The following ATAD2 variants were observed in gnomAD, a reference collection of about 807,000 sequenced individuals.
ATAD2 encodes ATPase family AAA domain-containing protein 2.
Under a neutral mutation model 168.9 loss-of-function variants are expected in ATAD2, and 62 were observed. That is an observed-to-expected ratio of 0.37 (90% CI 0.30 to 0.45). The LOEUF (loss-of-function observed/expected upper bound fraction) is 0.45. Among genes scored for constraint, ATAD2 ranks in the 20% least tolerant of loss-of-function variants. The pLI is 1.00. For synonymous variants in ATAD2, 613 were observed against 571.6 expected (o/e 1.07, Z -1.03); for missense variants, 1,419 against 1,667.8 (o/e 0.85, Z 2.60).
intron 22 of ATAD2, among the ~76,000 whole-genome samples, chr8:123,335,420 T>C: frequency 6.6e-6 from 1 of 152,204 alleles, no homozygotes; most frequent in East Asian, 1.9e-4. Context: ...AAAAAAATTT[T>C]AGTAGTTTCC....
intron 2 of ATAD2, among the ~76,000 whole-genome samples, chr8:123,374,429 C>CAAA (rs1802334948): frequency 1.3e-5 from 2 of 152,202 alleles, no homozygotes; most frequent in African/African-American, 2.4e-5. Context: ...GGCTCACAGA[C>CAAA]TTTTCTCATA....
intron 9 of ATAD2, 85 bp from the exon 10 acceptor site, chr8:123,359,770 G>C (rs1181943937): frequency 1.1e-6 from 1 of 892,892 alleles, no homozygotes; most frequent in Non-Finnish European, 1.7e-6. Flanking sequence ...AAACATTTAA[G>C]TTAAAAAAAA....
chr8:123,354,767 G>C (rs1828578065), intron 13 of ATAD2, among the ~76,000 whole-genome samples: 1 of 144,428 alleles, frequency 6.9e-6, no homozygotes. Flanking sequence ...GAACCTGGGA[G>C]ATGGGGGTTG....
chr8:123,395,461 G>T (rs1812779335), intron 1 of ATAD2, among the ~76,000 whole-genome samples: 1 of 152,156 alleles, frequency 6.6e-6, no homozygotes, highest in Non-Finnish European at 1.5e-5. Context: ...TGTAACTGCA[G>T]CATGACGGCA....
upstream of ATAD2, among the ~76,000 whole-genome samples, chr8:123,398,000 T>C (rs1219165201): frequency 6.6e-6 from 1 of 151,982 alleles, no homozygotes; most frequent in Non-Finnish European, 1.5e-5. Flanking sequence ...AGTTTGAAAC[T>C]TTTGAGGGCT....
chr8:123,365,922 G>A (rs1207147239), intron 8 of ATAD2, among the ~76,000 whole-genome samples: 1 of 152,020 alleles, frequency 6.6e-6, no homozygotes, highest in East Asian at 1.9e-4. Context: ...TAAACAGGTG[G>A]GACTTAATTA....
At chr8:123,404,644 G>A (rs1244755370) in intron 1 of ATAD2, among the ~76,000 whole-genome samples, 1 of 150,392 alleles carries the variant, frequency 6.6e-6, no homozygotes, top group Non-Finnish European at 1.5e-5. Flanking sequence ...TTGGCTCACT[G>A]CAACCTCTGC....
intron 8 of ATAD2, among the ~76,000 whole-genome samples, chr8:123,366,409 G>A (rs768062739): frequency 2.5e-4 from 38 of 152,144 alleles, no homozygotes; most frequent in African/African-American, 8.4e-4. Flanking sequence ...TCCCACTACT[G>A]GGTATCTACC....
intron 1 of ATAD2, 47 bp from the exon 2 acceptor site, chr8:123,380,724 T>C: frequency 2.5e-6 from 4 of 1,569,924 alleles, no homozygotes; most frequent in Non-Finnish European, 2.6e-6. Context: ...TTTACAAAAC[T>C]CCAATTTAAA....
chr8:123,322,947 T>C lies in ATAD2; in HGVS notation c.4122A>G (p.Ser1374=), dbSNP rs1354705450. The part of the protein sequence containing the change: ...YRHRKDHDKT[S]LIQKMEQEVE... Reference sequence around the variant, plus strand: ...CCACTCAAGAGTTTACCTGAATAAGTGATGTTTTATCATGGTCCTTGCGAT... The same window carrying C: ...CCACTCAAGAGTTTACCTGAATAAGCGATGTTTTATCATGGTCCTTGCGAT... The change falls in exon 27 of 28, where the codon TCA becomes TCG. Residue 1374 remains serine, a synonymous_variant. Transcript: ENST00000287394. 1 of 1,612,920 alleles carries C rather than the reference T, an allele frequency of 6.2e-7. No homozygotes were observed. Among genetic ancestry groups the C allele is most frequent in the Non-Finnish European group, 8.5e-7 (1 of 1,179,580 alleles).
chr8:123,357,051 A>G (rs1338696327), intron 12 of ATAD2, among the ~76,000 whole-genome samples: 3 of 152,194 alleles, frequency 2.0e-5, no homozygotes, highest in Non-Finnish European at 2.9e-5. Context: ...ATGGGAAAAC[A>G]TTATTTAGCA....
upstream of ATAD2, among the ~76,000 whole-genome samples, chr8:123,399,580 G>A (rs1812970749): frequency 6.6e-6 from 1 of 152,204 alleles, no homozygotes; most frequent in Admixed American, 6.5e-5. Flanking sequence ...TCTGAGGCCA[G>A]GCGGGGCGGC....
intron 25 of ATAD2, among the ~76,000 whole-genome samples, chr8:123,326,338 G>T (rs1022704117): frequency 2.0e-5 from 3 of 151,942 alleles, no homozygotes; most frequent in African/African-American, 7.3e-5. Context: ...TAGAACAGGG[G>T]TTGTAAAATA....
chr8:123,331,941 A>G (rs146532257), intron 24 of ATAD2, among the ~76,000 whole-genome samples: 1 of 152,376 alleles, frequency 6.6e-6, no homozygotes, highest in Non-Finnish European at 1.5e-5. Context: ...TATGTACTAT[A>G]GTAAATTTTA....
At chr8:123,400,972 G>A, upstream of ATAD2, 1 of 1,432,182 alleles carries the variant, frequency 7.0e-7, no homozygotes, top group Non-Finnish European at 9.8e-7. The surrounding 1 kb of genome is among the most constrained non-coding windows in gnomAD (Gnocchi z 4.5). Context: ...TGTGCTGGAG[G>A]CCACGATGCG....
chr8:123,332,933 C>T (rs1586858732), intron 24 of ATAD2, among the ~76,000 whole-genome samples: 2 of 152,076 alleles, frequency 1.3e-5, no homozygotes, highest in African/African-American at 2.4e-5. Flanking sequence ...CTTATCTTTC[C>T]TTTCCCAGCT....
Position 123,356,437 on chromosome 8 carries a change from A to C in ATAD2, c.1598T>G (p.Ile533Ser). ...MRPSIIFFDE[I>S]DGLAPVRSSR... ...TGACCGTACTGGAGCCAGACCATCA[A>C]TTTCGTCAAAAAAAATAATTGATGG... Residue 533 changes from isoleucine (I) to serine (S), a missense_variant, in exon 13 of 28, where the codon ATT becomes AGT. Around this residue, in one of 5 missense-constraint regions of ATAD2, gnomAD observed 545 missense variants for 724.9 expected, o/e 0.75. Coordinates refer to ENST00000287394, the MANE Select transcript of ATAD2 (RefSeq NM_014109.4). 1 of 1,612,378 alleles carries C rather than the reference A, an allele frequency of 6.2e-7. No individual in the cohort carries two copies. Among genetic ancestry groups the C allele is most frequent in the Non-Finnish European group, 8.5e-7 (1 of 1,179,024 alleles).
chr8:123,348,121 T>C, intron 15 of ATAD2, 62 bp downstream of exon 15: 1 of 1,348,818 alleles, frequency 7.4e-7, no homozygotes, highest in Non-Finnish European at 1.0e-6. Flanking sequence ...CAACCTAATA[T>C]AACTTGTTTC....
At chr8:123,334,593 C>A (rs1269519057) in intron 22 of ATAD2, among the ~76,000 whole-genome samples, 2 of 151,814 alleles carry the variant, frequency 1.3e-5, no homozygotes, top group Non-Finnish European at 2.9e-5. Context: ...AAAAAGGAAT[C>A]AATCAATAGC....
Sources: allele counts gnomAD v4.1 joint callset (sites outside exome capture counted in the v4.1 genomes callset), GRCh38; gene constraint gnomAD v4.1.1; regional missense constraint gnomAD v4.1.1; non-coding constraint Gnocchi (gnomAD v3.1); transcripts MANE v1.5; gene names NCBI Gene and HGNC (gene_info 2026-07-23, HGNC 2026-07-21).